FAM184A: variants seen among roughly 807,000 people sequenced by gnomAD.
FAM184A encodes family with sequence similarity 184 member A.
FAM184A carries 99 observed loss-of-function variants against 143.8 expected under a neutral mutation model. That is an observed-to-expected ratio of 0.69 (90% confidence interval 0.58 to 0.81). The LOEUF (loss-of-function observed/expected upper bound fraction) is 0.81. FAM184A is among the 40% of genes least tolerant of loss of function. FAM184A has a pLI of 0.00. For missense variants in FAM184A, 1,217 were observed against 1,310.5 expected, an observed-to-expected ratio of 0.93 and a Z score of 1.10; for synonymous variants, 427 against 446.4, an observed-to-expected ratio of 0.96 and a Z score of 0.55.
At chr6:119,103,028 G>A (rs768497928) in intron 1 of FAM184A, among the ~76,000 whole-genome samples, 3 of 152,018 alleles carry the variant, frequency 2.0e-5, no homozygotes, top group East Asian at 3.8e-4. Context: ...CCTCCAGCTC[G>A]GGAGTCAACC....
At chr6:119,112,413 C>T (rs1239228191) in intron 1 of FAM184A, among the ~76,000 whole-genome samples, 1 of 152,218 alleles carries the variant, frequency 6.6e-6, no homozygotes. Flanking sequence ...CAGGCGAGAG[C>T]CACCACGCCT....
intron 1 of FAM184A, among the ~76,000 whole-genome samples, chr6:119,076,075 G>A (rs1787861202): frequency 1.3e-5 from 2 of 152,082 alleles, no homozygotes; most frequent in Non-Finnish European, 2.9e-5. Flanking sequence ...GGGAAATTTT[G>A]GTAATACCTG....
At position 119,143,470 on chromosome 6, in the gene FAM184A, A is replaced by C. The variant is rs1414236658; in HGVS notation, c.-202+5608T>G. On this transcript the variant is annotated intron_variant, in intron 1 of 16. Coordinates refer to the FAM184A transcript ENST00000352896. ...CAATTCCACATCTGGGTATATGCTC[A>C]AAAAGAATCAAAATCAGGGTCTTGA... 2.0e-5 allele frequency among the ~76,000 whole-genome samples: 3 copies of C among 152,246 alleles called. No homozygotes were observed. The East Asian group carries it at 5.8e-4, about 29-fold the overall frequency.
At chr6:119,102,419 G>A (rs567400945) in intron 1 of FAM184A, among the ~76,000 whole-genome samples, 120 of 152,172 alleles carry the variant, frequency 7.9e-4, no homozygotes, top group South Asian at 2.9e-3. Context: ...TAGGCAATAG[G>A]AATCATAGTA....
chr6:118,975,108 TCATGAAGG>T lies in FAM184A; in HGVS notation c.2676_2683del (p.His892GlnfsTer13), dbSNP rs1239435114. On this transcript the variant is annotated frameshift_variant, in exon 13 of 18. Coordinates refer to ENST00000338891, the MANE Select transcript of FAM184A (RefSeq NM_024581.6). LOFTEE classifies it high-confidence loss of function. ...TTCTTTGGTTAGGGCACTTATATTC[TCATGAAGG>T]TGCTGAACCTCCTTATCCAATTCAG... 22 of 1,613,184 alleles carry T rather than the reference TCATGAAGG, an allele frequency of 1.4e-5. No homozygotes were observed. Among genetic ancestry groups the T allele is most frequent in the Non-Finnish European group, 1.7e-5 (20 of 1,179,378 alleles).
chr6:118,990,729 A>G (rs1433861510), intron 9 of FAM184A, among the ~76,000 whole-genome samples: 1 of 151,862 alleles, frequency 6.6e-6, no homozygotes, highest in Non-Finnish European at 1.5e-5. Context: ...ACAAAAAAAA[A>G]AAAAAATTAG....
chr6:119,078,409 C>A lies in FAM184A; in HGVS notation c.-110G>T. ...GCGGCGGCCGCTTCCCGACCCGACA[C>A]CCGGCGCCCCCCAGACTCGGCCGCA... On this transcript the variant is annotated 5_prime_UTR_variant, in exon 1 of 18. Coordinates refer to ENST00000338891, the MANE Select transcript of FAM184A (RefSeq NM_024581.6). The surrounding 1 kb of genome is among the most constrained non-coding windows in gnomAD (Gnocchi z 5.5). 1 of 1,126,440 alleles carries A rather than the reference C, an allele frequency of 8.9e-7. No individual in the cohort carries two copies. The highest frequency in any genetic ancestry group is 1.2e-6 in the Non-Finnish European group (1 of 850,620). 69.8% of individuals were successfully genotyped at this position (1,126,440 alleles called of 1,614,324 possible).
At chr6:119,093,923 T>C (rs2114823904) in intron 1 of FAM184A, among the ~76,000 whole-genome samples, 1 of 152,236 alleles carries the variant, frequency 6.6e-6, no homozygotes, top group Admixed American at 6.5e-5. Context: ...ACCCCTAAGA[T>C]TGAATTTGGA....
At chr6:119,132,513 A>G (rs936291512) in intron 1 of FAM184A, among the ~76,000 whole-genome samples, 3 of 152,192 alleles carry the variant, frequency 2.0e-5, no homozygotes, top group African/African-American at 7.2e-5. Flanking sequence ...TAATTCATGC[A>G]CTCAAAATCC....
Position 119,078,275 on chromosome 6 carries a change from G to A in FAM184A, c.25C>T (p.Gln9Ter). Residue 9 changes from glutamine to a stop codon, truncating the protein, a stop_gained, in exon 1 of 18, where the codon CAG becomes TAG. Transcript: ENST00000338891. LOFTEE classifies it high-confidence loss of function. This position sits in a 1 kb window ranked among gnomAD's most constrained non-coding sequence, Gnocchi z 5.5. MATPGMSW[Q>*]QHYYGGSAAK... is the part of the protein sequence containing the mutation. ...GCCGAGCCGCCGTAATAGTGCTGCTGCCAGCTCATGCCCGGGGTCGCCATC... is the reference window on the plus strand; with the variant it reads ...GCCGAGCCGCCGTAATAGTGCTGCTACCAGCTCATGCCCGGGGTCGCCATC... The A allele has an allele frequency of 1.3e-6, 2 of 1,513,210 alleles. No homozygotes were observed. Among genetic ancestry groups the A allele is most frequent in the Non-Finnish European group, 8.8e-7 (1 of 1,134,704 alleles). 93.7% of individuals were successfully genotyped at this position (1,513,210 alleles called of 1,614,324 possible). A position where few individuals can be genotyped will look rare whatever the true frequency, so the allele number is the denominator to read the frequency against.
chr6:119,035,230 CTTGGCCAAGAGCA>C (rs200582365), intron 1 of FAM184A, among the ~76,000 whole-genome samples: 3,405 of 152,260 alleles, frequency 0.022, 48 homozygotes, highest in African/African-American at 0.03. Context: ...GACTCCTCCT[CTTGGCCAAGAGCA>C]TTCCAAAGTT....
Position 119,044,806 on chromosome 6 carries a change from A to G in FAM184A, c.160-19993T>C, listed in dbSNP as rs549990769. On this transcript the variant is annotated intron_variant, in intron 1 of 17. Transcript: ENST00000338891. ...GGCCAATACACTGGGAACTGGGTATAACTCTTAGTTTATCTCATCTATGTT... is the reference window on the plus strand; with the variant it reads ...GGCCAATACACTGGGAACTGGGTATGACTCTTAGTTTATCTCATCTATGTT... 1.6e-4 allele frequency among the ~76,000 whole-genome samples: 24 copies of G among 152,336 alleles called. No individual in the cohort carries two copies. The South Asian group carries it at 4.8e-3, about 30-fold the overall frequency.
intron 14 of FAM184A, among the ~76,000 whole-genome samples, chr6:118,971,024 T>C (rs1165950681): frequency 1.3e-5 from 2 of 152,362 alleles, no homozygotes; most frequent in East Asian, 1.9e-4. Context: ...TAGTATATTA[T>C]GCACACATAT....
intron 1 of FAM184A, among the ~76,000 whole-genome samples, chr6:119,077,177 TG>T (rs1167643117): frequency 3.3e-5 from 5 of 152,168 alleles, no homozygotes; most frequent in African/African-American, 1.2e-4. Context: ...CAACCAGCAA[TG>T]GGATTATGTG....
chr6:119,029,584 C>G (rs794255), intron 1 of FAM184A, among the ~76,000 whole-genome samples: 137,275 of 152,178 alleles, frequency 0.9, 62,031 homozygotes, highest in Non-Finnish European at 0.92. Context: ...ATATTAGAGA[C>G]CCTAAAAAGA....
intron 5 of FAM184A, among the ~76,000 whole-genome samples, chr6:119,015,673 C>T (rs1474525919): frequency 6.6e-6 from 1 of 152,252 alleles, no homozygotes; most frequent in Non-Finnish European, 1.5e-5. Context: ...CTCCACGGCG[C>T]CCAGTCCCAT....
chr6:119,083,396 A>G (rs1788128082), upstream of FAM184A, among the ~76,000 whole-genome samples: 1 of 152,180 alleles, frequency 6.6e-6, no homozygotes, highest in South Asian at 2.1e-4. Flanking sequence ...CTTTTCTACC[A>G]CAGGATCAGG....
At chr6:119,094,436 A>G (rs1374481289) in intron 1 of FAM184A, among the ~76,000 whole-genome samples, 1 of 152,212 alleles carries the variant, frequency 6.6e-6, no homozygotes, top group Non-Finnish European at 1.5e-5. Flanking sequence ...TCATCCCAGT[A>G]TTAGATACTA....
intron 1 of FAM184A, among the ~76,000 whole-genome samples, chr6:119,096,704 A>G (rs117814611): frequency 6.6e-6 from 1 of 151,912 alleles, no homozygotes; most frequent in East Asian, 1.9e-4. Flanking sequence ...GACTGTTATT[A>G]GTATTGGTAT....
Sources: gnomAD v4.1 joint callset for allele counts (sites outside exome capture counted in the v4.1 genomes callset) on GRCh38, gnomAD v4.1.1 for gene constraint, Gnocchi (gnomAD v3.1) non-coding constraint, MANE v1.5 for transcripts, NCBI Gene and HGNC (gene_info 2026-07-23, HGNC 2026-07-21) for gene names.